The following AP1M1 variants were observed in gnomAD, a reference collection of about 807,000 sequenced individuals.
AP1M1 encodes the protein adaptor related protein complex 1 subunit mu 1.
In AP1M1, 18 loss-of-function variants were observed where a neutral mutation model predicts 57.1. That is an observed-to-expected ratio of 0.32 (90% CI 0.22 to 0.47). The LOEUF (loss-of-function observed/expected upper bound fraction) is 0.47. AP1M1 is among the 20% of genes least tolerant of loss of function. The probability of loss-of-function intolerance (pLI) is 1.00; values close to 1 mark genes in which losing one functional copy is unlikely to be tolerated. For synonymous variants in AP1M1, 241 were observed against 237.9 expected, an observed-to-expected ratio of 1.01 and a Z score of -0.12; for missense variants, 362 against 593.5, an observed-to-expected ratio of 0.61 and a Z score of 4.05.
chr19:16,217,582 C>T (rs1202480804), intron 5 of AP1M1, among the ~76,000 whole-genome samples: 2 of 152,102 alleles, frequency 1.3e-5, no homozygotes, highest in Non-Finnish European at 2.9e-5. Context: ...GATGCCGCCC[C>T]CAAGAGGTAC....
chr19:16,208,337 C>G (rs1352704623), intron 4 of AP1M1, 188 bp downstream of exon 4: 1 of 536,866 alleles, frequency 1.9e-6, no homozygotes, highest in African/African-American at 1.9e-5. Context: ...CCTCTACGCC[C>G]CCACATAACC....
At chr19:16,230,004 A>C (rs2091589256) in intron 9 of AP1M1, among the ~76,000 whole-genome samples, 2 of 152,068 alleles carry the variant, frequency 1.3e-5, no homozygotes. Flanking sequence ...CTGCAATTCC[A>C]CTGTTGAAAA....
chr19:16,238,196 C>T lies in AP1M1; in HGVS notation c.*3761C>T, dbSNP rs1157364724. 1 of 152,182 alleles carries T rather than the reference C, an allele frequency of 6.6e-6. No homozygotes were observed. Among genetic ancestry groups the T allele is most frequent in the Non-Finnish European group, 1.5e-5 (1 of 68,050 alleles). 9.4% of individuals were successfully genotyped at this position (152,182 alleles called of 1,614,324 possible). A position where few individuals can be genotyped will look rare whatever the true frequency, so the allele number is the denominator to read the frequency against. ...CTGACTGTGGGAAAGTTGAGAACAT[C>T]CTCCCTGAAGTCATCTTTATGCCAG... is the stretch of plus-strand genomic sequence containing the variant. On this transcript the variant is annotated 3_prime_UTR_variant, in exon 12 of 12. Transcript: ENST00000291439.
chr19:16,224,318 C>T (rs1450481947), intron 5 of AP1M1, among the ~76,000 whole-genome samples: 2 of 152,182 alleles, frequency 1.3e-5, no homozygotes, highest in Non-Finnish European at 2.9e-5. Flanking sequence ...AGCAGGAAAG[C>T]GCTAGGGCTG....
intron 5 of AP1M1, among the ~76,000 whole-genome samples, chr19:16,222,821 C>T (rs1482243454): frequency 6.6e-6 from 1 of 152,052 alleles, no homozygotes; most frequent in Non-Finnish European, 1.5e-5. Context: ...TGCTGTGTTG[C>T]CCAGGCTAGT....
At chr19:16,205,695 G>A (rs1176811674) in intron 2 of AP1M1, among the ~76,000 whole-genome samples, 1 of 152,184 alleles carries the variant, frequency 6.6e-6, no homozygotes, top group African/African-American at 2.4e-5. Context: ...GGAATAGGAA[G>A]CGCCCAGCAC....
intron 9 of AP1M1, among the ~76,000 whole-genome samples, chr19:16,230,983 A>G (rs951148433): frequency 6.6e-6 from 1 of 152,108 alleles, no homozygotes; most frequent in Admixed American, 6.5e-5. Context: ...ACTGCAAAAA[A>G]TAAATTTTAA....
chr19:16,234,057 C>T (rs918898536), intron 10 of AP1M1, 142 bp from the exon 11 acceptor site: 5 of 779,394 alleles, frequency 6.4e-6, no homozygotes, highest in Non-Finnish European at 1.0e-5. Flanking sequence ...CAGACAAATC[C>T]CTTTCACCCC....
In AP1M1 at chr19:16,228,735, T is replaced by C; in HGVS notation, c.889-35T>C. On this transcript the variant is annotated intron_variant, in intron 8 of 11. Transcript: ENST00000291439. This position sits in a 1 kb window ranked among gnomAD's most constrained non-coding sequence, Gnocchi z 5.0. ...AGAGGCTGGCCAGCTCACCTTGGCCTCCATAACCCCGGGCCGCATTGGCCT... is the reference window on the plus strand; with the variant it reads ...AGAGGCTGGCCAGCTCACCTTGGCCCCCATAACCCCGGGCCGCATTGGCCT... 6.2e-7 allele frequency: 1 copy of C among 1,609,330 alleles called. No individual in the cohort carries two copies.
At chr19:16,226,825 C>CGTCAGA in intron 6 of AP1M1, 1 of 335,346 alleles carries the variant, frequency 3.0e-6, no homozygotes, top group Non-Finnish European at 5.5e-6. Context: ...GCCTGGGGCA[C>CGTCAGA]TGGGGCCTAG....
chr19:16,238,024 G>A lies in AP1M1; in HGVS notation c.*3589G>A, dbSNP rs2091631717. ...GGGCCAATTTTTCATATTTTTTATA[G>A]AGATGGGGTCTCGTCATTTTGTCCA... On this transcript the variant is annotated 3_prime_UTR_variant, in exon 12 of 12. Transcript: ENST00000291439. The A allele has an allele frequency of 1.3e-5, 2 of 152,080 alleles. No homozygotes were observed. Among genetic ancestry groups the A allele is most frequent in the Admixed American group, 6.6e-5 (1 of 15,254 alleles). The allele number at this position is 152,080 out of a possible 1,614,324, so 9.4% of individuals were successfully genotyped here.
At chr19:16,218,639 C>T (rs768898876) in intron 5 of AP1M1, among the ~76,000 whole-genome samples, 2 of 152,204 alleles carry the variant, frequency 1.3e-5, no homozygotes, top group African/African-American at 4.8e-5. Flanking sequence ...GTGTCCCTGT[C>T]TCTTAGTGGG....
intron 4 of AP1M1, among the ~76,000 whole-genome samples, chr19:16,208,651 T>C (rs1053817145): frequency 6.6e-6 from 1 of 152,112 alleles, no homozygotes; most frequent in East Asian, 1.9e-4. Flanking sequence ...CACCTCCTGC[T>C]CCTTCAGCAG....
intron 5 of AP1M1, among the ~76,000 whole-genome samples, chr19:16,222,411 T>G (rs4808474): frequency 0.66 from 99,643 of 151,150 alleles, 35,049 homozygotes; most frequent in Non-Finnish European, 0.8. Context: ...TGAGGGTCTC[T>G]CTGTGTTGCC....
At chr19:16,215,270 G>C (rs2091514557) in intron 5 of AP1M1, among the ~76,000 whole-genome samples, 1 of 118,080 alleles carries the variant, frequency 8.5e-6, no homozygotes, top group Non-Finnish European at 1.8e-5. Flanking sequence ...AGACCAGCCT[G>C]GCCAACATGG....
At chr19:16,232,049 C>G (rs2091601229) in intron 9 of AP1M1, among the ~76,000 whole-genome samples, 2 of 152,250 alleles carry the variant, frequency 1.3e-5, no homozygotes, top group South Asian at 4.1e-4. Flanking sequence ...CCTATAGCAC[C>G]TGCTTCACAG....
chr19:16,203,918 C>T lies in AP1M1; in HGVS notation c.199+303C>T, dbSNP rs1222868272. On this transcript the variant is annotated intron_variant, in intron 2 of 11. Transcript: ENST00000291439. The surrounding 1 kb of genome is among the most constrained non-coding windows in gnomAD (Gnocchi z 4.6). ...GGCTTCTGCCAGCTGGAGGGGTGGG[C>T]AGGCACTAGGCGTGGGTGAAGGCTC... 6.6e-6 allele frequency among the ~76,000 whole-genome samples: 1 copy of T among 152,020 alleles called. No homozygotes were observed. Among genetic ancestry groups the T allele is most frequent in the Non-Finnish European group, 1.5e-5 (1 of 67,972 alleles).
In AP1M1 at chr19:16,234,763, G is replaced by A. The variant is rs943380889; in HGVS notation, c.*328G>A. The A allele has an allele frequency of 3.4e-5, 15 of 435,586 alleles. No individual in the cohort carries two copies. Among genetic ancestry groups the A allele is most frequent in the Middle Eastern group, 6.0e-4 (1 of 1,678 alleles). 27.0% of individuals were successfully genotyped at this position (435,586 alleles called of 1,614,324 possible). On this transcript the variant is annotated 3_prime_UTR_variant, in exon 12 of 12. Transcript: ENST00000291439. ...CCAGGTACCAAAAAGCTTGGCCAACGCTTGCCAGCCAGCCAGCTGCAGGTG... is the reference window on the plus strand; with the variant it reads ...CCAGGTACCAAAAAGCTTGGCCAACACTTGCCAGCCAGCCAGCTGCAGGTG...
rs888223741 is a variant in AP1M1, at chr19:16,236,022, A to C, written c.*1587A>C. On this transcript the variant is annotated 3_prime_UTR_variant, in exon 12 of 12. Coordinates refer to ENST00000291439, the MANE Select transcript of AP1M1 (RefSeq NM_032493.4). ...ACGTAGGTCTTCCCCATCTCAGTCA[A>C]TGACGCTGCCCCAGCCCAGGCCTCA... 1 of 152,376 alleles carries C rather than the reference A, an allele frequency of 6.6e-6. No homozygotes were observed. Among genetic ancestry groups the C allele is most frequent in the African/African-American group, 2.4e-5 (1 of 41,436 alleles). 9.4% of individuals were successfully genotyped at this position (152,376 alleles called of 1,614,324 possible). A position where few individuals can be genotyped will look rare whatever the true frequency, so the allele number is the denominator to read the frequency against.
Sources: allele counts gnomAD v4.1 joint callset (sites outside exome capture counted in the v4.1 genomes callset), GRCh38; gene constraint gnomAD v4.1.1; non-coding constraint Gnocchi (gnomAD v3.1); transcripts MANE v1.5; gene names NCBI Gene and HGNC (gene_info 2026-07-23, HGNC 2026-07-21).